The following RASGRF2 variants were observed in gnomAD, a reference collection of about 807,000 sequenced individuals.
The protein encoded by RASGRF2 is ras-specific guanine nucleotide-releasing factor 2.
A neutral mutation model predicts 151.0 loss-of-function variants in RASGRF2; 76 were observed. The ratio of observed to expected loss-of-function variants is 0.50; its 90% CI spans 0.42 to 0.61. The LOEUF (loss-of-function observed/expected upper bound fraction) is 0.61. Ranked by LOEUF, RASGRF2 falls within the 20% of genes least tolerant of loss-of-function variation. The pLI is 0.00. For missense variants in RASGRF2, 1,148 were observed against 1,564.6 expected (o/e 0.73, Z 4.49); for synonymous variants, 504 against 566.5 (o/e 0.89, Z 1.57).
chr5:81,025,719 T>G (rs1227097923), intron 1 of RASGRF2, among the ~76,000 whole-genome samples: 1 of 152,270 alleles, frequency 6.6e-6, no homozygotes, highest in African/African-American at 2.4e-5. Context: ...TTTGATTGCC[T>G]TTGGCTACAT....
chr5:81,065,786 T>C (rs2112447639), intron 2 of RASGRF2, among the ~76,000 whole-genome samples: 1 of 152,300 alleles, frequency 6.6e-6, no homozygotes, highest in East Asian at 1.9e-4. Flanking sequence ...TGCTTAGTTT[T>C]TCTCTTCATG....
At chr5:81,223,436 T>C (rs1755899845) in intron 26 of RASGRF2, 2 of 151,490 alleles carry the variant, frequency 1.3e-5, no homozygotes, top group South Asian at 2.1e-4. Context: ...GGTCAGGAGA[T>C]CAAGACCATC....
At chr5:81,208,534 C>CTTTTTTTTTTTTTTTTTTTTTTTT (rs71000806) in intron 22 of RASGRF2, 96 bp downstream of exon 22, 1 of 233,326 alleles carries the variant, frequency 4.3e-6, no homozygotes, top group African/African-American at 4.4e-5. Flanking sequence ...CTGTCACCCA[C>CTTTTTTTTTTTTTTTTTTTTTTTT]TTTTTTTTTT....
In RASGRF2 at chr5:81,208,340, T is replaced by G; in HGVS notation, c.3072-14T>G. On this transcript the variant is annotated splice_polypyrimidine_tract_variant and intron_variant, in intron 21 of 26. Transcript: ENST00000265080. ...AAAACTTAATTGGTTTTGTGTTTTG[T>G]TTTGAACTTCCAGGGAGTTTCTTGG... 6.2e-7 allele frequency: 1 copy of G among 1,611,172 alleles called. No homozygotes were observed. The highest frequency in any genetic ancestry group is 8.5e-7 in the Non-Finnish European group (1 of 1,177,764).
chr5:81,037,015 A>T (rs1197458893), intron 1 of RASGRF2, among the ~76,000 whole-genome samples: 3 of 152,206 alleles, frequency 2.0e-5, no homozygotes, highest in Non-Finnish European at 2.9e-5. Flanking sequence ...ATGGCAGAAG[A>T]TGAAGGAAGA....
Position 81,206,864 on chromosome 5 carries a change from C to G in RASGRF2, c.2926C>G (p.Gln976Glu). Residue 976 changes from glutamine to glutamate, a missense_variant, in exon 20 of 27, where the codon CAA becomes GAA. Transcript: ENST00000265080. ...TTTCAGGGCCCTTTCACAAGATGAC[C>G]AAGATGACATCCACCTAAAATTAGA... ...NILRALSQDD[Q>E]DDIHLKLEDI... 6.2e-7 allele frequency: 1 copy of G among 1,610,716 alleles called. No homozygotes were observed. The highest frequency in any genetic ancestry group is 8.5e-7 in the Non-Finnish European group (1 of 1,176,930).
In RASGRF2 at chr5:81,228,282, A is replaced by C. The variant is rs924688981; in HGVS notation, c.*2512A>C. ...TCTGCAGCCTTCCTGGAGCTGCAAG[A>C]GGGCAAGAGAGAGAGCTCCACCTCT... On this transcript the variant is annotated 3_prime_UTR_variant, in exon 27 of 27. Coordinates refer to ENST00000265080, the MANE Select transcript of RASGRF2 (RefSeq NM_006909.3). The C allele has an allele frequency of 3.3e-5, 5 of 152,264 alleles. No individual in the cohort carries two copies. The highest frequency in any genetic ancestry group is 2.1e-4 in the South Asian group (1 of 4,822). The allele number at this position is 152,264 out of a possible 1,614,324, so 9.4% of individuals were successfully genotyped here. A position where few individuals can be genotyped will look rare whatever the true frequency, so the allele number is the denominator to read the frequency against.
At chr5:81,110,414 A>T (rs1450426412) in intron 13 of RASGRF2, among the ~76,000 whole-genome samples, 1 of 152,228 alleles carries the variant, frequency 6.6e-6, no homozygotes, top group Non-Finnish European at 1.5e-5. Context: ...TAATTTCATA[A>T]TATTTAATTT....
At chr5:81,031,562 C>T (rs368528512) in intron 1 of RASGRF2, among the ~76,000 whole-genome samples, 35 of 152,142 alleles carry the variant, frequency 2.3e-4, no homozygotes, top group East Asian at 7.7e-4. Flanking sequence ...GGGTACATAA[C>T]GAAATGAAGG....
At chr5:81,112,575 T>C (rs1218298950) in intron 13 of RASGRF2, 35 bp from the exon 14 acceptor site, 2 of 1,610,552 alleles carry the variant, frequency 1.2e-6, no homozygotes, top group African/African-American at 2.7e-5. Context: ...AGCCTCCTCC[T>C]GGTTTTACCA....
At chr5:81,038,383 C>G (rs1178085802) in intron 1 of RASGRF2, among the ~76,000 whole-genome samples, 2 of 151,838 alleles carry the variant, frequency 1.3e-5, no homozygotes, top group Admixed American at 6.6e-5. Flanking sequence ...GTTTTAATTT[C>G]TGTCCATCTA....
chr5:81,180,390 C>A, intron 18 of RASGRF2, 109 bp downstream of exon 18: 1 of 692,640 alleles, frequency 1.4e-6, no homozygotes, highest in Non-Finnish European at 2.6e-6. Context: ...CAATGTGAAA[C>A]CTTGACACTG....
chr5:80,993,993 A>G (rs1296681625), intron 1 of RASGRF2, among the ~76,000 whole-genome samples: 1 of 151,946 alleles, frequency 6.6e-6, no homozygotes, highest in East Asian at 1.9e-4. Context: ...ATTTCTAAAC[A>G]AATGCTTTGA....
intron 1 of RASGRF2, among the ~76,000 whole-genome samples, chr5:80,986,955 C>T (rs1355460861): frequency 6.6e-6 from 1 of 152,150 alleles, no homozygotes; most frequent in Non-Finnish European, 1.5e-5. Flanking sequence ...ACTCACACTG[C>T]CCCCATATCT....
At chr5:81,152,891 G>A (rs187591548) in intron 17 of RASGRF2, among the ~76,000 whole-genome samples, 2 of 152,254 alleles carry the variant, frequency 1.3e-5, no homozygotes, top group East Asian at 3.9e-4. Flanking sequence ...TTGTCAGGGG[G>A]CACTGACTTT....
chr5:81,098,193 C>T (rs903790943), intron 12 of RASGRF2, among the ~76,000 whole-genome samples: 1 of 152,168 alleles, frequency 6.6e-6, no homozygotes, highest in Non-Finnish European at 1.5e-5. Flanking sequence ...AGGTTTTGGC[C>T]TGAGCAACTG....
At chr5:81,032,213 C>T (rs1750280927) in intron 1 of RASGRF2, among the ~76,000 whole-genome samples, 1 of 152,252 alleles carries the variant, frequency 6.6e-6, no homozygotes, top group African/African-American at 2.4e-5. Context: ...CGAATTCTAC[C>T]AGAGGTACAA....
At chr5:81,055,667 C>T (rs1002637780) in intron 2 of RASGRF2, among the ~76,000 whole-genome samples, 5 of 152,164 alleles carry the variant, frequency 3.3e-5, no homozygotes, top group African/African-American at 1.2e-4. Flanking sequence ...GGAGGATTCC[C>T]TCTTTTTCTA....
intron 1 of RASGRF2, among the ~76,000 whole-genome samples, chr5:80,988,302 C>T (rs1236356078): frequency 6.6e-6 from 1 of 152,142 alleles, no homozygotes. Context: ...CCCCATGCCT[C>T]GGCCTCCCAA....
Sources: allele counts gnomAD v4.1 joint callset (sites outside exome capture counted in the v4.1 genomes callset), GRCh38; gene constraint gnomAD v4.1.1; transcripts MANE v1.5; gene names NCBI Gene and HGNC (gene_info 2026-07-23, HGNC 2026-07-21).